Variants in FHIT observed in about 807,000 individuals in gnomAD.
FHIT encodes the protein fragile histidine triad diadenosine triphosphatase.
Under a neutral mutation model 17.9 loss-of-function variants are expected in FHIT, and 19 were observed. That is an observed-to-expected ratio of 1.06 (90% CI 0.74 to 1.56). The LOEUF (loss-of-function observed/expected upper bound fraction) is 1.56. Ranked by LOEUF, FHIT falls within the 40% of genes most tolerant of loss-of-function variation. The pLI, the probability that FHIT is intolerant of heterozygous loss-of-function variation, is 0.00. For missense variants in FHIT, 248 were observed against 189.2 expected (o/e 1.31, Z -1.82); for synonymous variants, 81 against 69.7 (o/e 1.16, Z -0.81).
chr3:60,194,575 A>C (rs1406657585), intron 5 of FHIT, among the ~76,000 whole-genome samples: 4 of 152,170 alleles, frequency 2.6e-5, no homozygotes, highest in Non-Finnish European at 5.9e-5. Context: ...CAAAAACAAA[A>C]ATGAATAAAT....
intron 3 of FHIT, among the ~76,000 whole-genome samples, chr3:60,981,794 G>T (rs1314421824): frequency 1.3e-5 from 2 of 151,832 alleles, no homozygotes; most frequent in Non-Finnish European, 2.9e-5. Flanking sequence ...TAAGAGATGG[G>T]GTCTTGCCAT....
Position 60,003,806 on chromosome 3 carries a change from A to C in FHIT, c.279+7565T>G, listed in dbSNP as rs181625522. 2.6e-5 allele frequency among the ~76,000 whole-genome samples: 4 copies of C among 152,210 alleles called. No homozygotes were observed. In the East Asian group the frequency reaches 7.7e-4, roughly 29 times the overall value. ...AGGTTGAATTGGCCACTAATATTTAATCAAAAGTACTGAATCTTTCTCACA... is the reference window on the plus strand; with the variant it reads ...AGGTTGAATTGGCCACTAATATTTACTCAAAAGTACTGAATCTTTCTCACA... On this transcript the variant is annotated intron_variant, in intron 7 of 9. Transcript: ENST00000492590.
intron 2 of FHIT, among the ~76,000 whole-genome samples, chr3:61,050,606 T>C (rs2033988323): frequency 6.6e-6 from 1 of 152,124 alleles, no homozygotes; most frequent in Admixed American, 6.6e-5. Context: ...AGATATGATA[T>C]CCAGCATATG....
intron 5 of FHIT, among the ~76,000 whole-genome samples, chr3:60,255,684 G>T (rs1705952737): frequency 6.6e-6 from 1 of 152,048 alleles, no homozygotes; most frequent in Non-Finnish European, 1.5e-5. Flanking sequence ...AAAAAGAAAT[G>T]AGGACTAAAG....
chr3:60,422,220 A>C (rs1307047448), intron 5 of FHIT, among the ~76,000 whole-genome samples: 1 of 152,170 alleles, frequency 6.6e-6, no homozygotes, highest in Non-Finnish European at 1.5e-5. Context: ...CAAATACTGG[A>C]GAGTCATATG....
rs548129792 is a variant in FHIT at position 60,598,598 on chromosome 3, T to C, written c.-17-61619A>G. Among the ~76,000 whole-genome samples, 7 of 152,312 alleles carry C rather than the reference T, an allele frequency of 4.6e-5. 1 individual carries two copies. The South Asian group carries it at 1.4e-3, about 32-fold the overall frequency. On this transcript the variant is annotated intron_variant, in intron 4 of 9. Transcript: ENST00000492590. ...GTAAAAGCAAGTTTATATAATGATA[T>C]ATCACACTGCTAGCAAGTAATAAAG...
chr3:60,375,040 A>T (rs1700490077), intron 5 of FHIT, among the ~76,000 whole-genome samples: 1 of 152,000 alleles, frequency 6.6e-6, no homozygotes, highest in African/African-American at 2.4e-5. Flanking sequence ...TGATAATGAG[A>T]AGAGGGAGAG....
chr3:59,805,548 G>T (rs1233187898), intron 8 of FHIT, among the ~76,000 whole-genome samples: 3 of 152,152 alleles, frequency 2.0e-5, no homozygotes, highest in Non-Finnish European at 4.4e-5. Flanking sequence ...AAAACTCTGT[G>T]CTAAGTGTCC....
Position 61,159,721 on chromosome 3 carries a change from T to G in FHIT, c.-164+40896A>C, listed in dbSNP as rs545146358. On this transcript the variant is annotated intron_variant, in intron 2 of 9. Transcript: ENST00000492590. Reference sequence around the variant, plus strand: ...TCTGTGATTAGAGTAATATTTCAATTTTTGGTTTGTTTGTTTTGACTTGGA... The same window carrying G: ...TCTGTGATTAGAGTAATATTTCAATGTTTGGTTTGTTTGTTTTGACTTGGA... Among the ~76,000 whole-genome samples the G allele has an allele frequency of 9.8e-5, 15 of 152,352 alleles. No homozygotes were observed. In the East Asian group the frequency reaches 2.3e-3, roughly 23 times the overall value.
chr3:61,233,113 C>T (rs2040146199), intron 1 of FHIT, among the ~76,000 whole-genome samples: 1 of 152,154 alleles, frequency 6.6e-6, no homozygotes, highest in African/African-American at 2.4e-5. Flanking sequence ...ATTCTCATTG[C>T]TGGTGTTAGT....
chr3:59,974,493 C>A (rs1331977738), intron 7 of FHIT, among the ~76,000 whole-genome samples: 1 of 152,116 alleles, frequency 6.6e-6, no homozygotes, highest in Non-Finnish European at 1.5e-5. Context: ...ACACCTTCAC[C>A]AAGCATGAGA....
chr3:61,035,298 T>C (rs951295486), intron 3 of FHIT, among the ~76,000 whole-genome samples: 2 of 152,230 alleles, frequency 1.3e-5, no homozygotes, highest in Non-Finnish European at 2.9e-5. Flanking sequence ...GACTCTTATC[T>C]TAATAAATTT....
intron 5 of FHIT, among the ~76,000 whole-genome samples, chr3:60,379,592 G>A (rs1700717098): frequency 6.6e-6 from 1 of 152,088 alleles, no homozygotes; most frequent in South Asian, 2.1e-4. Context: ...ATTTATTTCG[G>A]TATTCAGAGC....
At chr3:61,144,249 T>C (rs558090075) in intron 2 of FHIT, among the ~76,000 whole-genome samples, 1 of 152,314 alleles carries the variant, frequency 6.6e-6, no homozygotes, top group South Asian at 2.1e-4. Context: ...ACTATGCATA[T>C]GGATTTGTCT....
chr3:60,073,527 C>T (rs1702874212), intron 5 of FHIT, among the ~76,000 whole-genome samples: 3 of 152,074 alleles, frequency 2.0e-5, no homozygotes, highest in Admixed American at 2.0e-4. Context: ...TTTCAAAACC[C>T]TATTTCTCTT....
chr3:60,249,377 A>C (rs1397578407), intron 5 of FHIT, among the ~76,000 whole-genome samples: 1 of 152,034 alleles, frequency 6.6e-6, no homozygotes. Flanking sequence ...CTCCTCCTCC[A>C]CAAAACCCAT....
intron 5 of FHIT, among the ~76,000 whole-genome samples, chr3:60,363,409 G>A (rs192884657): frequency 1.7e-3 from 263 of 152,270 alleles, no homozygotes; most frequent in South Asian, 4.1e-3. Context: ...TTTATTTCAA[G>A]TAATGGCTAC....
chr3:60,151,988 T>C (rs1039623832), intron 5 of FHIT, among the ~76,000 whole-genome samples: 1 of 152,162 alleles, frequency 6.6e-6, no homozygotes, highest in African/African-American at 2.4e-5. Flanking sequence ...TGCTGAATCA[T>C]AGCATCAAGC....
intron 4 of FHIT, among the ~76,000 whole-genome samples, chr3:60,605,854 T>C (rs376331188): frequency 1.5e-4 from 23 of 152,282 alleles, no homozygotes; most frequent in African/African-American, 5.5e-4. Flanking sequence ...GGAGGAAAGA[T>C]AAAGTTATAA....
Sources: allele counts gnomAD v4.1 joint callset (sites outside exome capture counted in the v4.1 genomes callset), GRCh38; gene constraint gnomAD v4.1.1; transcripts MANE v1.5; gene names NCBI Gene and HGNC (gene_info 2026-07-23, HGNC 2026-07-21).